SCG5: variants seen among roughly 807,000 people sequenced by gnomAD.
SCG5 encodes the protein neuroendocrine protein 7B2.
Under a neutral mutation model 25.7 loss-of-function variants are expected in SCG5, and 18 were observed. The ratio of observed to expected loss-of-function variants is 0.70; its 90% CI spans 0.48 to 1.04. The LOEUF (loss-of-function observed/expected upper bound fraction) is 1.04. SCG5 is among the 50% of genes least tolerant of loss of function. SCG5 has a pLI of 0.00. For synonymous variants in SCG5, 101 were observed against 91.7 expected (o/e 1.10, Z -0.58); for missense variants, 206 against 259.8 (o/e 0.79, Z 1.42).
intron 1 of SCG5, among the ~76,000 whole-genome samples, chr15:32,642,656 G>T (rs543862724): frequency 1.3e-5 from 2 of 150,654 alleles, no homozygotes; most frequent in African/African-American, 4.9e-5. Context: ...TGTGGGGTAA[G>T]CTGCAAGGAT....
At chr15:32,664,563 CT>C (rs1417304740) in intron 2 of SCG5, among the ~76,000 whole-genome samples, 1 of 152,118 alleles carries the variant, frequency 6.6e-6, no homozygotes, top group Non-Finnish European at 1.5e-5. Flanking sequence ...AATTTGAAAA[CT>C]TTTTTCAAGA....
rs181647633 is a variant in SCG5, at chr15:32,680,154, C to A, written c.376+239C>A. Among the ~76,000 whole-genome samples, 298 of 151,440 alleles carry A rather than the reference C, an allele frequency of 2.0e-3. 2 individuals carry two copies. The highest frequency in any genetic ancestry group is 6.9e-3 in the African/African-American group (285 of 41,290). ...GGCTTTACTTTCTTTCTGTGTCTCC[C>A]CTTCTTTGGGAATTGATGCACTTTT... On this transcript the variant is annotated intron_variant, in intron 3 of 5. Transcript: ENST00000300175.
At chr15:32,649,153 G>A (rs898883055) in intron 2 of SCG5, among the ~76,000 whole-genome samples, 1 of 152,118 alleles carries the variant, frequency 6.6e-6, no homozygotes, top group Non-Finnish European at 1.5e-5. Flanking sequence ...AGCTCCATGA[G>A]GCTATATCTG....
chr15:32,679,444 G>A (rs116702876), intron 2 of SCG5, among the ~76,000 whole-genome samples: 97 of 151,878 alleles, frequency 6.4e-4, no homozygotes, highest in African/African-American at 2.0e-3. Flanking sequence ...CAGGTGATTC[G>A]CCTACCTCGG....
intron 2 of SCG5, among the ~76,000 whole-genome samples, chr15:32,670,983 C>T (rs769456933): frequency 1.3e-5 from 2 of 152,256 alleles, no homozygotes; most frequent in East Asian, 1.9e-4. Flanking sequence ...AAGCAGCTAA[C>T]GTTCATGGAG....
intron 2 of SCG5, among the ~76,000 whole-genome samples, chr15:32,667,904 A>C (rs112068504): frequency 6.6e-6 from 1 of 151,980 alleles, no homozygotes; most frequent in South Asian, 2.1e-4. Flanking sequence ...CAAACTCCTG[A>C]CCTCAAGTGA....
At chr15:32,648,468 G>A (rs1046256678) in intron 2 of SCG5, among the ~76,000 whole-genome samples, 2 of 152,030 alleles carry the variant, frequency 1.3e-5, no homozygotes, top group African/African-American at 2.4e-5. Context: ...TGTCATCTCC[G>A]TAGTTACAAT....
rs569409285 is a variant in SCG5, at chr15:32,642,336, A to AG, written c.-8+563dup. 1.6e-3 allele frequency among the ~76,000 whole-genome samples: 246 copies of AG among 151,482 alleles called. 1 individual carries two copies. The highest frequency in any genetic ancestry group is 5.7e-3 in the African/African-American group (236 of 41,290). ...CCTAGCGCTTTGGGAGGCTGAGGGG[A>AG]GGGGGTGGATCACCTGAGGTCAGGA... On this transcript the variant is annotated intron_variant, in intron 1 of 5. Transcript: ENST00000300175.
chr15:32,693,841 G>T (rs1196348336), intron 5 of SCG5, among the ~76,000 whole-genome samples: 6 of 152,226 alleles, frequency 3.9e-5, no homozygotes, highest in Non-Finnish European at 7.3e-5. Context: ...TAGGCATGGT[G>T]GCTCACGCCT....
chr15:32,672,418 C>T (rs954540021), intron 2 of SCG5, among the ~76,000 whole-genome samples: 9 of 152,242 alleles, frequency 5.9e-5, no homozygotes, highest in Non-Finnish European at 1.2e-4. Flanking sequence ...GTCTGGAGGG[C>T]AGGGGTTGTC....
intron 1 of SCG5, among the ~76,000 whole-genome samples, chr15:32,642,714 A>G (rs147176200): frequency 0.011 from 1,728 of 152,004 alleles, 10 homozygotes; most frequent in Non-Finnish European, 0.019. Flanking sequence ...AACATTTTGG[A>G]CAGGTTGACC....
chr15:32,655,967 A>G (rs527368080), intron 2 of SCG5: 2 of 152,392 alleles, frequency 1.3e-5, no homozygotes, highest in Admixed American at 1.3e-4. Flanking sequence ...TTTTAGGGAA[A>G]CATAGCTTTA....
At chr15:32,654,959 G>A (rs898756428) in intron 2 of SCG5, among the ~76,000 whole-genome samples, 4 of 152,104 alleles carry the variant, frequency 2.6e-5, no homozygotes, top group African/African-American at 7.2e-5. Flanking sequence ...AAAAGTCACC[G>A]GCATTTCTCA....
At chr15:32,689,228 T>C (rs908061010) in intron 4 of SCG5, among the ~76,000 whole-genome samples, 2 of 152,200 alleles carry the variant, frequency 1.3e-5, no homozygotes, top group Non-Finnish European at 2.9e-5. Context: ...ATTTATATAG[T>C]ATAAGTATGG....
intron 2 of SCG5, among the ~76,000 whole-genome samples, chr15:32,647,031 G>T (rs1194055856): frequency 6.6e-6 from 1 of 152,126 alleles, no homozygotes; most frequent in Admixed American, 6.5e-5. Flanking sequence ...GTGCTTATGA[G>T]CACAAACCAT....
chr15:32,644,691 G>T (rs1038212005), intron 2 of SCG5, among the ~76,000 whole-genome samples: 3 of 152,170 alleles, frequency 2.0e-5, no homozygotes, highest in Non-Finnish European at 4.4e-5. Flanking sequence ...TCCTAAAGAA[G>T]TAGCATGGTT....
intron 2 of SCG5, among the ~76,000 whole-genome samples, chr15:32,653,000 G>A (rs1191265292): frequency 6.6e-6 from 1 of 152,158 alleles, no homozygotes; most frequent in Non-Finnish European, 1.5e-5. Flanking sequence ...AACAAAAATA[G>A]AAAATAATCT....
At chr15:32,663,873 T>C (rs1405929178) in intron 2 of SCG5, among the ~76,000 whole-genome samples, 1 of 152,210 alleles carries the variant, frequency 6.6e-6, no homozygotes, top group Non-Finnish European at 1.5e-5. Flanking sequence ...TCGCCACATC[T>C]ACACTGCAAC....
intron 3 of SCG5, among the ~76,000 whole-genome samples, chr15:32,683,617 T>C (rs1289599722): frequency 6.6e-6 from 1 of 152,232 alleles, no homozygotes; most frequent in East Asian, 1.9e-4. Flanking sequence ...TAATCATCTC[T>C]ATTCCTCACA....
Sources: gnomAD v4.1 joint callset for allele counts (sites outside exome capture counted in the v4.1 genomes callset) on GRCh38, gnomAD v4.1.1 for gene constraint, MANE v1.5 for transcripts, NCBI Gene and HGNC (gene_info 2026-07-23, HGNC 2026-07-21) for gene names.